Variants in EXT1 observed in about 807,000 individuals in gnomAD.
EXT1 encodes the protein exostosin glycosyltransferase 1.
EXT1 carries 20 observed loss-of-function variants against 82.5 expected under a neutral mutation model. The ratio of observed to expected loss-of-function variants is 0.24; its 90% confidence interval spans 0.17 to 0.35. The LOEUF is 0.35. EXT1 is among the 10% of genes least tolerant of loss of function. The pLI is 1.00. For synonymous variants in EXT1, 348 were observed against 350.8 expected, an observed-to-expected ratio of 0.99 and a Z score of 0.09; for missense variants, 757 against 936.5, an observed-to-expected ratio of 0.81 and a Z score of 2.50.
chr8:117,863,532 G>A (rs1159683014), intron 1 of EXT1, among the ~76,000 whole-genome samples: 3 of 151,114 alleles, frequency 2.0e-5, no homozygotes, highest in Admixed American at 6.6e-5. Context: ...CAGAGTACAC[G>A]CCTAGACAGA....
At chr8:117,980,694 GGTGGTTTTTT>G (rs1411440865) in intron 1 of EXT1, among the ~76,000 whole-genome samples, 6 of 123,392 alleles carry the variant, frequency 4.9e-5, no homozygotes, top group South Asian at 2.6e-4. Flanking sequence ...TTCGGGTGTT[GGTGGTTTTTT>G]TTTTTTTTTT....
intron 4 of EXT1, among the ~76,000 whole-genome samples, chr8:117,828,545 G>C (rs1240148473): frequency 1.3e-5 from 2 of 152,024 alleles, no homozygotes; most frequent in Non-Finnish European, 2.9e-5. Context: ...TCCAAAAAGG[G>C]AGAAACAATA....
At chr8:117,850,261 C>T (rs906808950) in intron 1 of EXT1, among the ~76,000 whole-genome samples, 11 of 152,168 alleles carry the variant, frequency 7.2e-5, no homozygotes, top group Non-Finnish European at 1.0e-4. Flanking sequence ...TTTGTTGAGT[C>T]GTTGACAGCT....
At chr8:118,014,278 T>C (rs751395335) in intron 1 of EXT1, among the ~76,000 whole-genome samples, 6 of 151,756 alleles carry the variant, frequency 4.0e-5, no homozygotes, top group Non-Finnish European at 7.3e-5. Flanking sequence ...CATGGATTTC[T>C]GGGAAAAAAT....
Position 117,812,945 on chromosome 8 carries a change from A to G in EXT1, c.1649T>C (p.Phe550Ser). 1 of 1,613,914 alleles carries G rather than the reference A, an allele frequency of 6.2e-7. No individual in the cohort carries two copies. The highest frequency in any genetic ancestry group is 8.5e-7 in the Non-Finnish European group (1 of 1,179,944). Reference sequence around the variant, plus strand: ...TGTGATGATGTTGTCGTAGGGCAGAAAACGGCTGCTCATAACCTGGGAGGA... The same window carrying G: ...TGTGATGATGTTGTCGTAGGGCAGAGAACGGCTGCTCATAACCTGGGAGGA... The part of the protein sequence containing the change: ...EGESKVMSSR[F>S]LPYDNIITDA... The change falls in exon 8 of 11, where the codon TTT becomes TCT. Residue 550 changes from phenylalanine to serine, a missense_variant. Physicochemically the swap from Phe to Ser is radical, Grantham distance 155. This residue lies in a region of EXT1 where 207 missense variants were observed against 224.2 expected (regional missense o/e 0.92). Transcript: ENST00000378204.
At position 118,111,533 on chromosome 8, in the gene EXT1, C is replaced by G; in HGVS notation, c.-487G>C. ...AGCACTCCGGTTCCAACAAGTCAGC[C>G]GATCCCGGGTTCAGCCGGCTAGTGC... On this transcript the variant is annotated 5_prime_UTR_variant, in exon 1 of 11. Transcript: ENST00000378204. 2 of 444,692 alleles carry G rather than the reference C, an allele frequency of 4.5e-6. No individual in the cohort carries two copies. Among genetic ancestry groups the G allele is most frequent in the Non-Finnish European group, 7.9e-6 (2 of 252,730 alleles). The allele number at this position is 444,692 out of a possible 1,614,324, so 27.5% of individuals were successfully genotyped here.
chr8:118,037,609 T>C (rs1816446826), intron 1 of EXT1, among the ~76,000 whole-genome samples: 1 of 152,162 alleles, frequency 6.6e-6, no homozygotes, highest in African/African-American at 2.4e-5. Flanking sequence ...ATGTGTCTGC[T>C]TCCAGGCAGC....
intron 1 of EXT1, among the ~76,000 whole-genome samples, chr8:117,856,556 G>A (rs754212348): frequency 6.7e-5 from 10 of 150,032 alleles, no homozygotes; most frequent in East Asian, 2.0e-4. Flanking sequence ...GTGAGCCACC[G>A]CGCCTGGCCA....
intron 1 of EXT1, among the ~76,000 whole-genome samples, chr8:118,042,056 G>A (rs999549080): frequency 1.3e-5 from 2 of 152,060 alleles, no homozygotes; most frequent in Non-Finnish European, 2.9e-5. Flanking sequence ...CTGCATAAAT[G>A]AGGACCCCCT....
chr8:117,970,896 C>G (rs1408516958), intron 1 of EXT1, among the ~76,000 whole-genome samples: 1 of 152,130 alleles, frequency 6.6e-6, no homozygotes, highest in African/African-American at 2.4e-5. Context: ...GTTTTTCCAT[C>G]TGGAAAAATA....
At chr8:118,101,067 G>A (rs552646874) in intron 1 of EXT1, among the ~76,000 whole-genome samples, 1 of 152,290 alleles carries the variant, frequency 6.6e-6, no homozygotes. Flanking sequence ...TTGTTGATTA[G>A]GAAATAGCAG....
chr8:117,830,344 A>C lies in EXT1; in HGVS notation c.1170T>G (p.Pro390=). 6.2e-7 allele frequency: 1 copy of C among 1,614,034 alleles called. No individual in the cohort carries two copies. Among genetic ancestry groups the C allele is most frequent in the South Asian group, 1.1e-5 (1 of 91,078 alleles). Residue 390 remains proline, a synonymous_variant, in exon 4 of 11, where the codon CCT becomes CCG. Coordinates refer to ENST00000378204, the MANE Select transcript of EXT1 (RefSeq NM_000127.3). Reference sequence around the variant, plus strand: ...CCTGATGAATAGACCTGATTGTAGAAGGAATCTGTAACACAAGGTGAACAC... The same window carrying C: ...CCTGATGAATAGACCTGATTGTAGACGGAATCTGTAACACAAGGTGAACAC... The part of the protein sequence containing the change: ...IGDERLLLQI[P]STIRSIHQDK...
chr8:117,934,289 G>A (rs971313632), intron 1 of EXT1, among the ~76,000 whole-genome samples: 1 of 152,158 alleles, frequency 6.6e-6, no homozygotes. Context: ...TTGCTTTCAG[G>A]AACAGCATGG....
rs117984921 is a variant in EXT1 at position 117,855,320 on chromosome 8, G to A, written c.963-18119C>T. Among the ~76,000 whole-genome samples, 279 of 152,168 alleles carry A rather than the reference G, an allele frequency of 1.8e-3. 1 individual carries two copies. Among genetic ancestry groups the A allele is most frequent in the Non-Finnish European group, 2.7e-3 (185 of 68,002 alleles). On this transcript the variant is annotated intron_variant, in intron 1 of 10. Coordinates refer to ENST00000378204, the MANE Select transcript of EXT1 (RefSeq NM_000127.3). ...TATGGCAACCCTAAGCAAGTCTATCGGCACCATTTTTCCAACAACGTGCTC... is the reference window on the plus strand; with the variant it reads ...TATGGCAACCCTAAGCAAGTCTATCAGCACCATTTTTCCAACAACGTGCTC...
chr8:117,923,444 A>G (rs553327609), intron 1 of EXT1, among the ~76,000 whole-genome samples: 15 of 152,130 alleles, frequency 9.9e-5, no homozygotes, highest in East Asian at 3.9e-4. Flanking sequence ...GCGGCTGGGC[A>G]CGGTGGCTCA....
At chr8:117,921,450 T>C (rs993123921) in intron 1 of EXT1, among the ~76,000 whole-genome samples, 3 of 152,210 alleles carry the variant, frequency 2.0e-5, no homozygotes, top group African/African-American at 7.2e-5. Context: ...ATTAGAAACA[T>C]TGCCTAGAAA....
intron 1 of EXT1, among the ~76,000 whole-genome samples, chr8:117,880,545 G>C (rs1813040826): frequency 6.6e-6 from 1 of 151,450 alleles, no homozygotes; most frequent in African/African-American, 2.4e-5. Flanking sequence ...TAACCAATGA[G>C]TCACCAGAAA....
rs180982778 is a variant in EXT1, at chr8:117,803,209, T to C, written c.2055+1513A>G. ...TTGTTTCTTTTTTCTTTTTCTTTTT[T>C]TTTGAGACAGAGCCTTGTTCTGTCA... On this transcript the variant is annotated intron_variant, in intron 10 of 10. Coordinates refer to ENST00000378204, the MANE Select transcript of EXT1 (RefSeq NM_000127.3). Among the ~76,000 whole-genome samples the C allele has an allele frequency of 1.6e-3, 251 of 152,272 alleles. 2 individuals are homozygous for C. Among genetic ancestry groups the C allele is most frequent in the South Asian group, 3.5e-3 (17 of 4,822 alleles).
intron 1 of EXT1, among the ~76,000 whole-genome samples, chr8:118,041,707 A>AAGGAAGGC (rs1356598725): frequency 4.0e-5 from 6 of 151,496 alleles, no homozygotes; most frequent in Non-Finnish European, 8.8e-5. Context: ...GGAAGGAAGG[A>AAGGAAGGC]AGGAAGGAAG....
Sources: gnomAD v4.1 joint callset for allele counts (sites outside exome capture counted in the v4.1 genomes callset) on GRCh38, gnomAD v4.1.1 for gene constraint, gnomAD v4.1.1 regional missense constraint, MANE v1.5 for transcripts, NCBI Gene and HGNC (gene_info 2026-07-23, HGNC 2026-07-21) for gene names.